The following ANKRD55 variants were observed in gnomAD, a reference collection of about 807,000 sequenced individuals.
The protein encoded by ANKRD55 is ankyrin repeat domain-containing protein 55.
In ANKRD55, 41 loss-of-function variants were observed where a neutral mutation model predicts 60.6. That is an observed-to-expected ratio of 0.68 (90% CI 0.53 to 0.88). ANKRD55 has a LOEUF of 0.88. Among genes scored for constraint, ANKRD55 ranks in the 40% least tolerant of loss-of-function variants. The probability of loss-of-function intolerance (pLI) is 0.00; values close to 1 mark genes in which losing one functional copy is unlikely to be tolerated. For missense variants in ANKRD55, 732 were observed against 767.6 expected (o/e 0.95, Z 0.55); for synonymous variants, 264 against 290.3 (o/e 0.91, Z 0.92).
chr5:56,207,559 C>T (rs1264882378), intron 2 of ANKRD55, among the ~76,000 whole-genome samples: 2 of 152,174 alleles, frequency 1.3e-5, no homozygotes, highest in Non-Finnish European at 2.9e-5. Flanking sequence ...CTACATGGTA[C>T]AGACTATTAC....
At position 56,127,104 on chromosome 5, in the gene ANKRD55, A is replaced by C. The variant is rs1174498341; in HGVS notation, c.615T>G (p.Ser205Arg). 1.9e-6 allele frequency: 3 copies of C among 1,601,960 alleles called. No individual in the cohort carries two copies. The highest frequency in any genetic ancestry group is 2.6e-6 in the Non-Finnish European group (3 of 1,173,018). ...FKTALHWAVQ[S>R]GNRILCSIIL... ...TGATGGAGCACAGAATCCTATTTCC[A>C]CTCTGGAAAAGAGAGTCAAAGAAAG... Residue 205 changes from serine (S) to arginine (R), a missense_variant and splice_region_variant, in exon 8 of 12, where the codon AGT becomes AGG. Coordinates refer to ENST00000341048, the MANE Select transcript of ANKRD55 (RefSeq NM_024669.3).
intron 2 of ANKRD55, among the ~76,000 whole-genome samples, chr5:56,198,159 T>G (rs1457181530): frequency 6.6e-6 from 1 of 152,202 alleles, no homozygotes; most frequent in Non-Finnish European, 1.5e-5. Context: ...AATTGAAAAT[T>G]TTAAACCTAC....
At chr5:56,192,062 AG>A (rs1459625202) in intron 2 of ANKRD55, among the ~76,000 whole-genome samples, 2 of 152,346 alleles carry the variant, frequency 1.3e-5, no homozygotes, top group East Asian at 3.9e-4. Flanking sequence ...GATGTCTAAA[AG>A]ATCTACATAA....
intron 5 of ANKRD55, among the ~76,000 whole-genome samples, chr5:56,168,131 C>G (rs1758526637): frequency 6.6e-6 from 1 of 152,164 alleles, no homozygotes; most frequent in East Asian, 1.9e-4. Flanking sequence ...GGTTGTATGA[C>G]TAGTCCTTAT....
rs145744893 is a variant in ANKRD55 at position 56,216,989 on chromosome 5, C to A, written c.58+15867G>T. 6.8e-3 allele frequency among the ~76,000 whole-genome samples: 1,043 copies of A among 152,314 alleles called. 7 individuals are homozygous for A. Among genetic ancestry groups the A allele is most frequent in the African/African-American group, 0.024 (1,017 of 41,548 alleles). On this transcript the variant is annotated intron_variant, in intron 2 of 11. Coordinates refer to ENST00000341048, the MANE Select transcript of ANKRD55 (RefSeq NM_024669.3). ...TATTGGGAGAAGATGCCACCTAGGA[C>A]TTTCATAGCTGGAGAAGGGATGTCA...
chr5:56,145,569 G>C (rs556141702), intron 6 of ANKRD55, among the ~76,000 whole-genome samples: 1 of 152,338 alleles, frequency 6.6e-6, no homozygotes, highest in African/African-American at 2.4e-5. Context: ...AGGCTACTGA[G>C]ATTTCAAGTC....
chr5:56,221,043 C>T (rs1483885326), intron 2 of ANKRD55, among the ~76,000 whole-genome samples: 2 of 152,284 alleles, frequency 1.3e-5, no homozygotes, highest in East Asian at 3.9e-4. Context: ...TCTGGACCTT[C>T]AATCTGAAAA....
At chr5:56,126,593 GA>G (rs35804259) in intron 8 of ANKRD55, among the ~76,000 whole-genome samples, 6 of 148,648 alleles carry the variant, frequency 4.0e-5, no homozygotes, top group South Asian at 2.1e-4. Context: ...CAAGAATGAA[GA>G]AAAAAAAAAC....
chr5:56,115,241 C>T (rs1756853141), intron 9 of ANKRD55, among the ~76,000 whole-genome samples: 1 of 128,050 alleles, frequency 7.8e-6, no homozygotes, highest in African/African-American at 2.7e-5. Context: ...AATAAATAAG[C>T]AAACCCCCAA....
intron 2 of ANKRD55, among the ~76,000 whole-genome samples, chr5:56,231,763 A>G (rs1323167417): frequency 6.6e-6 from 1 of 152,122 alleles, no homozygotes; most frequent in South Asian, 2.1e-4. Context: ...ACATATATAC[A>G]TTAGCTAACT....
rs184117266 is a variant in ANKRD55, at chr5:56,120,823, T to C, written c.798-4041A>G. ...CTGAGGCAGGAGAATTGCTTGAACC[T>C]GGGAGGCAGAGGTTGCAGTGAGCCA... is the stretch of plus-strand genomic sequence containing the variant. On this transcript the variant is annotated intron_variant, in intron 8 of 11. Coordinates refer to ENST00000341048, the MANE Select transcript of ANKRD55 (RefSeq NM_024669.3). 9.2e-4 allele frequency among the ~76,000 whole-genome samples: 132 copies of C among 143,550 alleles called. 1 individual carries two copies. The highest frequency in any genetic ancestry group is 3.4e-3 in the African/African-American group (128 of 38,048). 94.2% of individuals were successfully genotyped at this position (143,550 alleles called of 152,430 possible).
At chr5:56,204,686 T>C (rs948682225) in intron 2 of ANKRD55, among the ~76,000 whole-genome samples, 1 of 152,134 alleles carries the variant, frequency 6.6e-6, no homozygotes, top group Non-Finnish European at 1.5e-5. Flanking sequence ...AATTACCCAG[T>C]CTTGGGTAGT....
intron 2 of ANKRD55, among the ~76,000 whole-genome samples, chr5:56,195,384 T>A (rs1231888224): frequency 6.6e-6 from 1 of 152,222 alleles, no homozygotes; most frequent in Non-Finnish European, 1.5e-5. Flanking sequence ...ACATTTCCCT[T>A]ATGTTTATCA....
At chr5:56,167,589 C>T (rs1758514360) in intron 5 of ANKRD55, among the ~76,000 whole-genome samples, 1 of 152,214 alleles carries the variant, frequency 6.6e-6, no homozygotes, top group Non-Finnish European at 1.5e-5. Context: ...GTTAAAGCAG[C>T]TAGCATTGCC....
chr5:56,106,041 C>A (rs1165087107), intron 10 of ANKRD55, among the ~76,000 whole-genome samples: 1 of 152,224 alleles, frequency 6.6e-6, no homozygotes, highest in Non-Finnish European at 1.5e-5. Flanking sequence ...CATCTTGCTG[C>A]ATCCAACCTC....
intron 2 of ANKRD55, among the ~76,000 whole-genome samples, chr5:56,232,514 A>G (rs929457972): frequency 6.6e-6 from 1 of 152,222 alleles, no homozygotes; most frequent in Admixed American, 6.5e-5. Flanking sequence ...AAAAAACAGA[A>G]TAAAGATGAC....
intron 2 of ANKRD55, among the ~76,000 whole-genome samples, chr5:56,228,623 C>T (rs914378252): frequency 2.0e-5 from 3 of 152,186 alleles, no homozygotes; most frequent in Non-Finnish European, 4.4e-5. Flanking sequence ...CAGGGTTTCA[C>T]CATGTTGGCC....
intron 10 of ANKRD55, 66 bp downstream of exon 10, chr5:56,111,052 T>G: frequency 6.5e-7 from 1 of 1,538,702 alleles, no homozygotes; most frequent in Admixed American, 1.9e-5. Context: ...GTTCCTAGCT[T>G]AAAACTGTAC....
intron 6 of ANKRD55, among the ~76,000 whole-genome samples, chr5:56,151,814 G>GAA (rs35624717): frequency 6.6e-5 from 8 of 120,354 alleles, no homozygotes; most frequent in Admixed American, 8.7e-5. Context: ...CCACATCTCG[G>GAA]AAAAAAAAAA....
Sources: gnomAD v4.1 joint callset for allele counts (sites outside exome capture counted in the v4.1 genomes callset) on GRCh38, gnomAD v4.1.1 for gene constraint, MANE v1.5 for transcripts, NCBI Gene and HGNC (gene_info 2026-07-23, HGNC 2026-07-21) for gene names.